PSMD3: variants seen among roughly 807,000 people sequenced by gnomAD.
PSMD3 encodes proteasome 26S subunit, non-ATPase 3, also known as 26S proteasome non-ATPase regulatory subunit 3.
A neutral mutation model predicts 62.8 loss-of-function variants in PSMD3; 5 were observed. The ratio of observed to expected loss-of-function variants is 0.08; its 90% CI spans 0.04 to 0.17. The LOEUF is 0.17. PSMD3 is among the 10% of genes least tolerant of loss of function. The pLI, the probability that PSMD3 is intolerant of heterozygous loss-of-function variation, is 1.00. For missense variants in PSMD3, 524 were observed against 713.6 expected (o/e 0.73, Z 3.03); for synonymous variants, 265 against 283.9 (o/e 0.93, Z 0.67).
intron 6 of PSMD3, among the ~76,000 whole-genome samples, chr17:39,991,789 T>C (rs9903987): frequency 0.92 from 139,677 of 152,170 alleles, 64,187 homozygotes; most frequent in Middle Eastern, 0.96. Context: ...CCTGTAATCC[T>C]AGCACTTTGG....
At chr17:39,993,474 C>T (rs3785550) in intron 6 of PSMD3, 84,931 of 151,626 alleles carry the variant, frequency 0.56, 23,994 homozygotes, top group Middle Eastern at 0.73. Flanking sequence ...AAAGAGATCC[C>T]TCCTGGCCCC....
chr17:39,997,820 C>G lies in PSMD3; in HGVS notation c.*239C>G, dbSNP rs990113057. 3.4e-6 allele frequency: 2 copies of G among 580,830 alleles called. No homozygotes were observed. The highest frequency in any genetic ancestry group is 6.2e-6 in the Non-Finnish European group (2 of 324,686). 36.0% of individuals were successfully genotyped at this position (580,830 alleles called of 1,614,324 possible). On this transcript the variant is annotated 3_prime_UTR_variant, in exon 12 of 12. Coordinates refer to ENST00000264639, the MANE Select transcript of PSMD3 (RefSeq NM_002809.4). Reference sequence around the variant, plus strand: ...CAACCTCCCCGGGCAGGGTCCTGGCCAGCAGTGTGGGAGCAGGAGGGGAAG... The same window carrying G: ...CAACCTCCCCGGGCAGGGTCCTGGCGAGCAGTGTGGGAGCAGGAGGGGAAG...
rs759191215 is a variant in PSMD3 at position 39,995,252 on chromosome 17, C to T, written c.1173C>T (p.Thr391=). Residue 391 remains threonine, a synonymous_variant, in exon 8 of 12, where the codon ACC becomes ACT. Transcript: ENST00000264639. This position sits in a 1 kb window ranked among gnomAD's most constrained non-coding sequence, Gnocchi z 4.1. The part of the protein sequence containing the change: ...QFGEKFQADG[T]YTLIIRLRHN... ...GGGAGAAGTTTCAAGCAGATGGGACCTACACCCTAATTATCCGGCTGCGGC... is the reference window on the plus strand; with the variant it reads ...GGGAGAAGTTTCAAGCAGATGGGACTTACACCCTAATTATCCGGCTGCGGC... 2 of 1,614,194 alleles carry T rather than the reference C, an allele frequency of 1.2e-6. No individual in the cohort carries two copies. The highest frequency in any genetic ancestry group is 4.5e-5 in the East Asian group (2 of 44,882).
chr17:39,994,320 G>A (rs186065188), intron 6 of PSMD3: 384 of 152,822 alleles, frequency 2.5e-3, no homozygotes, highest in Non-Finnish European at 4.7e-3. Flanking sequence ...CTGAGTTGGG[G>A]GGCGTCATTC....
Position 39,995,566 on chromosome 17 carries a change from C to CT in PSMD3, c.1320+42dup. On this transcript the variant is annotated intron_variant, in intron 9 of 11. Coordinates refer to ENST00000264639, the MANE Select transcript of PSMD3 (RefSeq NM_002809.4). The surrounding 1 kb of genome is among the most constrained non-coding windows in gnomAD (Gnocchi z 4.1). ...AGGAACCACAGTGACCAGGTTGTCA[C>CT]TTTCCTGCCAATCTCAGGAGGCAGG... is the stretch of plus-strand genomic sequence containing the variant. The CT allele has an allele frequency of 6.4e-7, 1 of 1,561,946 alleles. No individual in the cohort carries two copies. The highest frequency in any genetic ancestry group is 8.8e-7 in the Non-Finnish European group (1 of 1,133,098).
At chr17:39,988,533 T>G in intron 3 of PSMD3, 150 bp from the exon 4 acceptor site, 4 of 927,358 alleles carry the variant, frequency 4.3e-6, no homozygotes, top group African/African-American at 1.7e-5. Context: ...AATGCTTCTG[T>G]GAACATTCGT....
intron 6 of PSMD3, 115 bp downstream of exon 6, chr17:39,990,312 C>G: frequency 2.3e-6 from 2 of 879,668 alleles, no homozygotes; most frequent in Non-Finnish European, 3.5e-6. Context: ...GTCCTCCCAC[C>G]TCAGCTTCCC....
At chr17:39,990,219 C>A in intron 6 of PSMD3, 22 bp downstream of exon 6, 3 of 1,531,066 alleles carry the variant, frequency 2.0e-6, no homozygotes, top group Non-Finnish European at 2.7e-6. Flanking sequence ...CTACCATCAT[C>A]CCTTTGCCTC....
chr17:39,990,316 G>T, intron 6 of PSMD3, 119 bp downstream of exon 6: 2 of 843,024 alleles, frequency 2.4e-6, no homozygotes, highest in Non-Finnish European at 3.6e-6. Context: ...TCCCACCTCA[G>T]CTTCCCAAAG....
chr17:39,996,478 AG>A lies in PSMD3; in HGVS notation c.1476+145del. 1 of 1,223,056 alleles carries A rather than the reference AG, an allele frequency of 8.2e-7. No individual in the cohort carries two copies. The highest frequency in any genetic ancestry group is 1.1e-6 in the Non-Finnish European group (1 of 870,648). 75.8% of individuals were successfully genotyped at this position (1,223,056 alleles called of 1,614,324 possible). A position where few individuals can be genotyped will look rare whatever the true frequency, so the allele number is the denominator to read the frequency against. On this transcript the variant is annotated intron_variant, in intron 10 of 11. Transcript: ENST00000264639. The surrounding 1 kb of genome is among the most constrained non-coding windows in gnomAD (Gnocchi z 5.1). ...CTGTAAAATCACTGAGCTGCAGCAC[AG>A]GGGGCCCAGAATGGGGAGGGGACTT... is the stretch of plus-strand genomic sequence containing the variant.
At position 39,990,206 on chromosome 17, in the gene PSMD3, C is replaced by G; in HGVS notation, c.981+9C>G. On this transcript the variant is annotated intron_variant, in intron 6 of 11. Transcript: ENST00000264639. ...TCGGCTTCAAACAGACGGTGAGCCACAACTACCATCATCCCTTTGCCTCTT... is the reference window on the plus strand; with the variant it reads ...TCGGCTTCAAACAGACGGTGAGCCAGAACTACCATCATCCCTTTGCCTCTT... 1 of 1,532,764 alleles carries G rather than the reference C, an allele frequency of 6.5e-7. No individual in the cohort carries two copies. The highest frequency in any genetic ancestry group is 9.0e-7 in the Non-Finnish European group (1 of 1,111,182). 94.9% of individuals were successfully genotyped at this position (1,532,764 alleles called of 1,614,324 possible). A position where few individuals can be genotyped will look rare whatever the true frequency, so the allele number is the denominator to read the frequency against.
In PSMD3 at chr17:39,984,339, A is replaced by G. The variant is rs745635464; in HGVS notation, c.266A>G (p.Lys89Arg). The change falls in exon 2 of 12, where the codon AAG (lysine) becomes AGG (arginine). Residue 89 changes from lysine (K) to arginine (R), a missense_variant. Transcript: ENST00000264639. ...VKQLEKAVSG[K>R]EPRFVLRALR... ...CAGCTAGAGAAAGCGGTTTCAGGCA[A>G]GGAGCCGAGATTCGTGCTGCGGGCC... 1.9e-6 allele frequency: 3 copies of G among 1,613,610 alleles called. No individual in the cohort carries two copies. Among genetic ancestry groups the G allele is most frequent in the Admixed American group, 1.7e-5 (1 of 59,994 alleles).
In PSMD3 at chr17:39,981,070, G is replaced by T; in HGVS notation, c.100G>T (p.Asp34Tyr). The T allele has an allele frequency of 1.3e-6, 2 of 1,550,498 alleles. No individual in the cohort carries two copies. Among genetic ancestry groups the T allele is most frequent in the Non-Finnish European group, 1.7e-6 (2 of 1,146,762 alleles). The change falls in exon 1 of 12, where the codon GAT becomes TAT. Residue 34 changes from aspartate (D) to tyrosine (Y), a missense_variant. Transcript: ENST00000264639. ...ACCCCCACCGCCGCCGGCCCCCCAG[G>T]ATGTGGAGATGAAAGAGGAGGCAGC... ...QEPPPPPAPQ[D>Y]VEMKEEAATG... is the part of the protein sequence containing the mutation.
intron 3 of PSMD3, among the ~76,000 whole-genome samples, chr17:39,986,960 A>C (rs1980540920): frequency 6.6e-6 from 1 of 152,128 alleles, no homozygotes; most frequent in Non-Finnish European, 1.5e-5. Context: ...AGCGTAGTAC[A>C]TTCTTGGGGA....
At chr17:39,986,279 G>C (rs1980521990) in intron 2 of PSMD3, among the ~76,000 whole-genome samples, 1 of 151,838 alleles carries the variant, frequency 6.6e-6, no homozygotes. Context: ...TTTATTTTTT[G>C]AGAGATGGGG....
In PSMD3 at chr17:39,996,757, T is replaced by TA. The variant is rs919767238; in HGVS notation, c.1476+425dup. ...GAGGCACTTAGCGAAGTCTAAATTG[T>TA]AAAAAAGATGGCGCTGGTATCTAGC... On this transcript the variant is annotated intron_variant, in intron 10 of 11. Transcript: ENST00000264639. This position sits in a 1 kb window ranked among gnomAD's most constrained non-coding sequence, Gnocchi z 5.1. 1.1e-5 allele frequency: 5 copies of TA among 467,728 alleles called. No homozygotes were observed. Among genetic ancestry groups the TA allele is most frequent in the African/African-American group, 7.9e-5 (4 of 50,604 alleles). The allele number at this position is 467,728 out of a possible 1,614,324, so 29.0% of individuals were successfully genotyped here. A position where few individuals can be genotyped will look rare whatever the true frequency, so the allele number is the denominator to read the frequency against.
At position 39,990,463 on chromosome 17, in the gene PSMD3, T is replaced by C. The variant is rs573286780; in HGVS notation, c.981+266T>C. Among the ~76,000 whole-genome samples the C allele has an allele frequency of 2.7e-4, 41 of 152,164 alleles. No homozygotes were observed. The South Asian group carries it at 7.9e-3, about 29-fold the overall frequency. ...TTCCTATCCAGAAGGACTTCAACTT[T>C]TATTATTATTTTTTGTGTGTGTGGA... is the stretch of plus-strand genomic sequence containing the variant. On this transcript the variant is annotated intron_variant, in intron 6 of 11. Transcript: ENST00000264639.
chr17:39,983,996 G>A (rs917609510), intron 1 of PSMD3, among the ~76,000 whole-genome samples: 12 of 152,102 alleles, frequency 7.9e-5, no homozygotes, highest in South Asian at 4.2e-4. Context: ...TCAGGAGATC[G>A]AGACCATCCT....
rs1980584873 is a variant in PSMD3, at chr17:39,988,748, T to C, written c.615T>C (p.Leu205=). The C allele has an allele frequency of 1.2e-6, 2 of 1,614,146 alleles. No individual in the cohort carries two copies. The highest frequency in any genetic ancestry group is 2.2e-5 in the South Asian group (2 of 91,084). The change falls in exon 4 of 12, where the codon CTT becomes CTC. Residue 205 remains leucine, a synonymous_variant. Transcript: ENST00000264639. ...ISTQNRRALD[L]VAAKCYYYHA... ...CTCAGAACCGCCGGGCCCTAGACCTTGTAGCCGCAAAGTGTTACTATTATC... is the reference window on the plus strand; with the variant it reads ...CTCAGAACCGCCGGGCCCTAGACCTCGTAGCCGCAAAGTGTTACTATTATC...
Sources: gnomAD v4.1 joint callset for allele counts (sites outside exome capture counted in the v4.1 genomes callset) on GRCh38, gnomAD v4.1.1 for gene constraint, Gnocchi (gnomAD v3.1) non-coding constraint, MANE v1.5 for transcripts, NCBI Gene and HGNC (gene_info 2026-07-23, HGNC 2026-07-21) for gene names.